OTOGL: variants seen among roughly 807,000 people sequenced by gnomAD.
OTOGL encodes the protein otogelin like, also known as otogelin-like protein.
A neutral mutation model predicts 318.5 loss-of-function variants in OTOGL; 285 were observed. That is an observed-to-expected ratio of 0.89 (90% CI 0.81 to 0.99). The LOEUF is 0.99. Ranked by LOEUF, OTOGL falls within the 50% of genes least tolerant of loss-of-function variation. OTOGL has a pLI of 0.00. For missense variants in OTOGL, 2,899 were observed against 2,845.6 expected, an observed-to-expected ratio of 1.02 and a Z score of -0.43; for synonymous variants, 987 against 936.5, an observed-to-expected ratio of 1.05 and a Z score of -0.99.
At chr12:80,291,258 A>T (rs1885025221) in intron 26 of OTOGL, among the ~76,000 whole-genome samples, 1 of 152,210 alleles carries the variant, frequency 6.6e-6, no homozygotes, top group East Asian at 1.9e-4. Flanking sequence ...TCTCTCTCTC[A>T]GTTCCTCATT....
At chr12:80,102,004 C>A (rs1015068433) in intron 1 of OTOGL, among the ~76,000 whole-genome samples, 2 of 152,162 alleles carry the variant, frequency 1.3e-5, no homozygotes, top group East Asian at 3.9e-4. Flanking sequence ...TGAAATGTAA[C>A]CTTATGTTCT....
At chr12:80,215,263 T>C (rs11834031) in intron 4 of OTOGL, among the ~76,000 whole-genome samples, 6,904 of 150,252 alleles carry the variant, frequency 0.046, 395 homozygotes, top group East Asian at 0.19. Context: ...GCCTCCTGGG[T>C]TCAAGCTATT....
chr12:80,267,159 T>C (rs921477846), intron 21 of OTOGL, 94 bp from the exon 22 acceptor site: 1 of 642,912 alleles, frequency 1.6e-6, no homozygotes, highest in African/African-American at 1.9e-5. Context: ...AGAGTGTACC[T>C]TACAATGACC....
intron 1 of OTOGL, among the ~76,000 whole-genome samples, chr12:80,173,722 G>T (rs1874355240): frequency 6.6e-6 from 1 of 152,122 alleles, no homozygotes. Context: ...AGTTGCTCTG[G>T]TTCAAATGCC....
chr12:80,276,654 A>T (rs12301805), intron 24 of OTOGL, among the ~76,000 whole-genome samples: 7,746 of 151,726 alleles, frequency 0.051, 639 homozygotes, highest in African/African-American at 0.18. Context: ...AAAGCTCAGG[A>T]TGCATAGCTA....
intron 30 of OTOGL, 42 bp from the exon 31 acceptor site, chr12:80,313,434 A>G: frequency 6.5e-7 from 1 of 1,527,624 alleles, no homozygotes; most frequent in South Asian, 1.1e-5. Context: ...AATCATAATC[A>G]GTATCTATTG....
At chr12:80,307,448 C>CA (rs1886225388) in intron 29 of OTOGL, among the ~76,000 whole-genome samples, 1 of 144,194 alleles carries the variant, frequency 6.9e-6, no homozygotes, top group East Asian at 2.1e-4. Flanking sequence ...TGACCCCCCC[C>CA]ACCTCCCTCC....
chr12:80,325,168 G>T (rs1325721540), intron 35 of OTOGL, among the ~76,000 whole-genome samples: 4 of 152,024 alleles, frequency 2.6e-5, no homozygotes, highest in Admixed American at 2.6e-4. Context: ...GTTGCCAATA[G>T]GTAAGATCCA....
chr12:80,170,296 T>G (rs781301963), intron 1 of OTOGL, among the ~76,000 whole-genome samples: 2 of 152,066 alleles, frequency 1.3e-5, no homozygotes, highest in Admixed American at 6.6e-5. Flanking sequence ...TATACTGATA[T>G]CTCCTTGTGA....
At chr12:80,148,217 C>T (rs1872536560) in intron 1 of OTOGL, among the ~76,000 whole-genome samples, 1 of 150,520 alleles carries the variant, frequency 6.6e-6, no homozygotes, top group Non-Finnish European at 1.5e-5. Context: ...ACATTTAGTG[C>T]TTCCTTCAGG....
In OTOGL at chr12:80,307,144, G is replaced by A. The variant is rs1036092989; in HGVS notation, c.3333+1449G>A. Reference sequence around the variant, plus strand: ...TGGGGGTAAGGTCACCGATCAACAGGATCCCAAGGCAGAAGAATTTTTCTT... The same window carrying A: ...TGGGGGTAAGGTCACCGATCAACAGAATCCCAAGGCAGAAGAATTTTTCTT... On this transcript the variant is annotated intron_variant, in intron 29 of 58. Transcript: ENST00000547103. Among the ~76,000 whole-genome samples the A allele has an allele frequency of 5.3e-5, 8 of 150,956 alleles. No individual in the cohort carries two copies. In the East Asian group the frequency reaches 1.4e-3, roughly 26 times the overall value.
At position 80,213,312 on chromosome 12, in the gene OTOGL, G is replaced by A. The variant is rs537494187; in HGVS notation, c.168+1315G>A. 3.9e-5 allele frequency among the ~76,000 whole-genome samples: 6 copies of A among 152,314 alleles called. No individual in the cohort carries two copies. The East Asian group carries it at 9.6e-4, about 24-fold the overall frequency. On this transcript the variant is annotated intron_variant, in intron 4 of 58. Transcript: ENST00000547103. ...TAATGCATTATAACTAGAGTATAAT[G>A]AGCAGTGAGGACAACCAGAGGTTAC...
chr12:80,352,921 T>C (rs1260730082), intron 45 of OTOGL, among the ~76,000 whole-genome samples: 1 of 152,178 alleles, frequency 6.6e-6, no homozygotes, highest in Non-Finnish European at 1.5e-5. Context: ...TATACAACAT[T>C]TTTCTTTTTT....
chr12:80,327,088 T>C lies in OTOGL; in HGVS notation c.4200-1577T>C, dbSNP rs191647436. Among the ~76,000 whole-genome samples the C allele has an allele frequency of 2.5e-3, 375 of 152,370 alleles. 1 individual carries two copies. The highest frequency in any genetic ancestry group is 3.8e-3 in the Non-Finnish European group (261 of 68,032). On this transcript the variant is annotated intron_variant, in intron 35 of 58. Coordinates refer to ENST00000547103, the MANE Select transcript of OTOGL (RefSeq NM_001378609.3). The stretch of plus-strand genomic sequence containing the variant: ...CAATATCTGCATGAATTCTCTGTAG[T>C]ATGTAGTAATATAATAATTAGAGTT...
chr12:80,293,958 G>GTAAAGTATAAT (rs1412843229), intron 26 of OTOGL, among the ~76,000 whole-genome samples: 1 of 152,078 alleles, frequency 6.6e-6, no homozygotes, highest in East Asian at 1.9e-4. Context: ...AGACTGACAT[G>GTAAAGTATAAT]TAAAGTATAA....
At chr12:80,217,754 A>G (rs1005797302) in intron 5 of OTOGL, 90 bp downstream of exon 5, 1 of 963,550 alleles carries the variant, frequency 1.0e-6, no homozygotes, top group Non-Finnish European at 1.5e-6. Context: ...GTTTCCGTAT[A>G]CCACATGAAG....
At chr12:80,252,547 G>A (rs1202822647) in intron 13 of OTOGL, among the ~76,000 whole-genome samples, 1 of 152,046 alleles carries the variant, frequency 6.6e-6, no homozygotes, top group Admixed American at 6.6e-5. Flanking sequence ...CATTTTTCTG[G>A]CACAATCTAG....
intron 1 of OTOGL, among the ~76,000 whole-genome samples, chr12:80,186,871 A>G (rs145860303): frequency 6.6e-6 from 1 of 152,264 alleles, no homozygotes; most frequent in African/African-American, 2.4e-5. Flanking sequence ...CCAAAGCACC[A>G]CATAGGAAAT....
intron 11 of OTOGL, among the ~76,000 whole-genome samples, chr12:80,249,766 C>T (rs550397525): frequency 4.3e-4 from 65 of 152,280 alleles, no homozygotes; most frequent in African/African-American, 1.2e-3. Context: ...CCCCCAGCCT[C>T]GCTGCCGCCT....
Sources: allele counts gnomAD v4.1 joint callset (sites outside exome capture counted in the v4.1 genomes callset), GRCh38; gene constraint gnomAD v4.1.1; transcripts MANE v1.5; gene names NCBI Gene and HGNC (gene_info 2026-07-23, HGNC 2026-07-21).